PLGRKT: variants seen among roughly 807,000 people sequenced by gnomAD.
PLGRKT encodes plasminogen receptor with a C-terminal lysine.
In PLGRKT, 22 loss-of-function variants were observed where a neutral mutation model predicts 18.5. That is an observed-to-expected ratio of 1.19 (90% CI 0.85 to 1.70). The LOEUF (loss-of-function observed/expected upper bound fraction) is 1.70. Among genes scored for constraint, PLGRKT ranks in the 40% most tolerant of loss-of-function variants. The pLI, the probability that PLGRKT is intolerant of heterozygous loss-of-function variation, is 0.00. For missense variants in PLGRKT, 235 were observed against 174.4 expected (o/e 1.35, Z -1.96); for synonymous variants, 72 against 52.8 (o/e 1.36, Z -1.58).
At chr9:5,397,033 CA>C (rs1818063088) in intron 3 of PLGRKT, among the ~76,000 whole-genome samples, 1 of 151,910 alleles carries the variant, frequency 6.6e-6, no homozygotes, top group Admixed American at 6.6e-5. Flanking sequence ...GAGTTTTAAC[CA>C]AAAGTTTAAA....
intron 3 of PLGRKT, among the ~76,000 whole-genome samples, chr9:5,414,669 G>C (rs1818425502): frequency 6.6e-6 from 1 of 152,172 alleles, no homozygotes. Flanking sequence ...ATTTTGACTG[G>C]ATACTGTGAA....
chr9:5,392,247 G>A (rs1280852184), intron 3 of PLGRKT: 2 of 151,834 alleles, frequency 1.3e-5, no homozygotes, highest in Non-Finnish European at 2.9e-5. Flanking sequence ...TGTTATGGAT[G>A]TTCACAATAA....
intron 2 of PLGRKT, among the ~76,000 whole-genome samples, chr9:5,433,798 G>GCCA (rs1486963075): frequency 7.6e-6 from 1 of 132,132 alleles, no homozygotes; most frequent in Non-Finnish European, 1.6e-5. Context: ...CTGCCTGGCT[G>GCCA]CCCCGTCTGG....
At chr9:5,394,505 C>T (rs1176629042) in intron 3 of PLGRKT, among the ~76,000 whole-genome samples, 2 of 151,808 alleles carry the variant, frequency 1.3e-5, no homozygotes, top group Admixed American at 6.6e-5. Flanking sequence ...TTCCGCCTCC[C>T]GGGTTCAAGC....
chr9:5,367,030 TACACACACACACACACACAC>T (rs56259718), intron 3 of PLGRKT, among the ~76,000 whole-genome samples: 1 of 112,312 alleles, frequency 8.9e-6, no homozygotes, highest in Non-Finnish European at 2.0e-5. Context: ...TACACACACA[TACACACACACACACACACAC>T]ACACACACAC....
intron 3 of PLGRKT, among the ~76,000 whole-genome samples, chr9:5,400,602 T>C (rs1043521007): frequency 2.6e-5 from 4 of 151,942 alleles, no homozygotes; most frequent in African/African-American, 9.7e-5. Flanking sequence ...ATCCAAATAT[T>C]TCTTCTTCTA....
intron 5 of PLGRKT, 65 bp from the exon 6 acceptor site, chr9:5,358,425 G>C: frequency 6.9e-7 from 1 of 1,454,798 alleles, no homozygotes; most frequent in Non-Finnish European, 9.6e-7. Context: ...GACAAAGCCT[G>C]ATTGCTATAT....
At chr9:5,372,143 A>G (rs543849866) in intron 3 of PLGRKT, among the ~76,000 whole-genome samples, 8 of 151,792 alleles carry the variant, frequency 5.3e-5, no homozygotes, top group Admixed American at 5.2e-4. Flanking sequence ...CACCACGCCC[A>G]GCTAATTTTT....
chr9:5,364,678 C>G (rs955467282), intron 3 of PLGRKT, among the ~76,000 whole-genome samples: 4 of 152,142 alleles, frequency 2.6e-5, no homozygotes, highest in African/African-American at 9.7e-5. Flanking sequence ...AGACAAAGGA[C>G]TATACATAAA....
rs1477953093 is a variant in PLGRKT at position 5,426,700 on chromosome 9, C to T, written c.81+5197G>A. ...GATCTTGCTGGGTAGGATGAGGTCA[C>T]AGGCCCTGACTGCTCTTTAGCTGGG... On this transcript the variant is annotated intron_variant, in intron 3 of 5. Transcript: ENST00000223864. 3.9e-5 allele frequency among the ~76,000 whole-genome samples: 6 copies of T among 152,244 alleles called. No homozygotes were observed. The East Asian group carries it at 1.2e-3, about 29-fold the overall frequency.
chr9:5,425,126 T>C (rs558743406), intron 3 of PLGRKT, among the ~76,000 whole-genome samples: 21 of 152,306 alleles, frequency 1.4e-4, no homozygotes, highest in African/African-American at 4.6e-4. Context: ...TTTGCCTACA[T>C]AGCACTGCAG....
intron 5 of PLGRKT, among the ~76,000 whole-genome samples, chr9:5,359,688 G>C (rs1817220316): frequency 6.6e-6 from 1 of 152,112 alleles, no homozygotes; most frequent in African/African-American, 2.4e-5. Context: ...AATGTGATAA[G>C]TTTTCTGATG....
intron 3 of PLGRKT, among the ~76,000 whole-genome samples, chr9:5,378,824 T>C (rs1388294226): frequency 2.0e-5 from 3 of 152,140 alleles, no homozygotes; most frequent in Admixed American, 6.5e-5. Context: ...ACAGGTTAAA[T>C]TGGAAAAATG....
intron 3 of PLGRKT, among the ~76,000 whole-genome samples, chr9:5,364,383 G>T (rs1817337045): frequency 6.6e-6 from 1 of 152,198 alleles, no homozygotes; most frequent in African/African-American, 2.4e-5. Flanking sequence ...TGAGCAGAGG[G>T]GCTTTCAGGG....
rs189478438 is a variant in PLGRKT at position 5,375,581 on chromosome 9, T to C, written c.82-13693A>G. On this transcript the variant is annotated intron_variant, in intron 3 of 5. Transcript: ENST00000223864. ...ATGTTTTCAAGGAAGGCAGGGAAAATAAAGGAAAATATGGACATACTTCAT... is the reference window on the plus strand; with the variant it reads ...ATGTTTTCAAGGAAGGCAGGGAAAACAAAGGAAAATATGGACATACTTCAT... Among the ~76,000 whole-genome samples the C allele has an allele frequency of 4.6e-5, 7 of 152,016 alleles. No individual in the cohort carries two copies. In the East Asian group the frequency reaches 1.4e-3, roughly 29 times the overall value.
chr9:5,394,716 G>GT (rs931216431), intron 3 of PLGRKT, among the ~76,000 whole-genome samples: 10 of 151,618 alleles, frequency 6.6e-5, no homozygotes, highest in Middle Eastern at 3.4e-3. Flanking sequence ...TGACAGGGAA[G>GT]TTTTTTTTTA....
At chr9:5,369,476 G>A (rs939401997) in intron 3 of PLGRKT, among the ~76,000 whole-genome samples, 7 of 152,132 alleles carry the variant, frequency 4.6e-5, no homozygotes, top group African/African-American at 1.2e-4. Flanking sequence ...ATAGGAACGC[G>A]TTTACACTGT....
chr9:5,359,933 A>G (rs1817226372), intron 5 of PLGRKT, among the ~76,000 whole-genome samples: 1 of 152,224 alleles, frequency 6.6e-6, no homozygotes, highest in Non-Finnish European at 1.5e-5. Flanking sequence ...TCATAATAAA[A>G]TGTACATAAA....
intron 3 of PLGRKT, among the ~76,000 whole-genome samples, chr9:5,410,654 T>G (rs1295192550): frequency 6.6e-6 from 1 of 152,234 alleles, no homozygotes; most frequent in African/African-American, 2.4e-5. Context: ...AAAAAATGAA[T>G]TAATTTGTTC....
Sources: gnomAD v4.1 joint callset for allele counts (sites outside exome capture counted in the v4.1 genomes callset) on GRCh38, gnomAD v4.1.1 for gene constraint, MANE v1.5 for transcripts, NCBI Gene and HGNC (gene_info 2026-07-23, HGNC 2026-07-21) for gene names.